LMX1B: variants seen among roughly 807,000 people sequenced by gnomAD.
LMX1B encodes the protein LIM homeobox transcription factor 1 beta, also known as LIM homeobox transcription factor 1-beta.
In LMX1B, 12 loss-of-function variants were observed where a neutral mutation model predicts 51.4. The ratio of observed to expected loss-of-function variants is 0.23; its 90% CI spans 0.15 to 0.38. The LOEUF (loss-of-function observed/expected upper bound fraction) is 0.38. Ranked by LOEUF, LMX1B falls within the 10% of genes least tolerant of loss-of-function variation. The pLI is 1.00. For missense variants in LMX1B, 445 were observed against 571.1 expected (o/e 0.78, Z 2.25); for synonymous variants, 237 against 235.4 (o/e 1.01, Z -0.06).
intron 2 of LMX1B, among the ~76,000 whole-genome samples, chr9:126,633,596 G>A (rs1180430054): frequency 6.6e-6 from 1 of 152,130 alleles, no homozygotes; most frequent in Admixed American, 6.5e-5. Flanking sequence ...CTGGGGGATG[G>A]AAGGGCAAAA....
chr9:126,615,439 C>T lies in LMX1B; in HGVS notation c.196C>T (p.Arg66Cys). The change falls in exon 2 of 8, where the codon CGC becomes TGC. Residue 66 changes from arginine to cysteine, a missense_variant. By Grantham distance (180) the Arg-to-Cys change is radical. This residue lies in a region of LMX1B where 273 missense variants were observed against 343.3 expected (regional missense o/e 0.80). Transcript: ENST00000373474. This position sits in a 1 kb window ranked among gnomAD's most constrained non-coding sequence, Gnocchi z 6.0. ...GGGCTGCCAGCGGCCCATCTCCGAC[C>T]GCTTCCTGATGCGAGTCAACGAGTC... ...CEGCQRPISD[R>C]FLMRVNESSW... The T allele has an allele frequency of 1.9e-6, 3 of 1,609,440 alleles. No homozygotes were observed. Among genetic ancestry groups the T allele is most frequent in the Non-Finnish European group, 2.5e-6 (3 of 1,178,084 alleles).
chr9:126,670,792 C>T (rs1390580160), intron 2 of LMX1B, among the ~76,000 whole-genome samples: 5 of 152,308 alleles, frequency 3.3e-5, no homozygotes, highest in East Asian at 1.9e-4. Context: ...CCTCAAATAA[C>T]GTTTCCATGT....
At chr9:126,684,606 G>A (rs948043709) in intron 2 of LMX1B, among the ~76,000 whole-genome samples, 1 of 152,212 alleles carries the variant, frequency 6.6e-6, no homozygotes, top group African/African-American at 2.4e-5. Flanking sequence ...TGAAGATGGA[G>A]TAGGGGCTGA....
chr9:126,615,045 A>T lies in LMX1B; in HGVS notation c.140-338A>T, dbSNP rs1329560416. On this transcript the variant is annotated intron_variant, in intron 1 of 7. Transcript: ENST00000373474. The surrounding 1 kb of genome is among the most constrained non-coding windows in gnomAD (Gnocchi z 6.0). The stretch of plus-strand genomic sequence containing the variant: ...GGGCGTGTCAGCCAGCGAGCGCCCC[A>T]GCCTCACCTCGCCTGTCTTGGTCCC... Among the ~76,000 whole-genome samples the T allele has an allele frequency of 6.6e-6, 1 of 151,668 alleles. No homozygotes were observed. Among genetic ancestry groups the T allele is most frequent in the Admixed American group, 6.6e-5 (1 of 15,264 alleles).
At position 126,693,826 on chromosome 9, in the gene LMX1B, G is replaced by A. The variant is rs762072087; in HGVS notation, c.886+14G>A. 3.2e-5 allele frequency: 38 copies of A among 1,195,988 alleles called. No individual in the cohort carries two copies. The highest frequency in any genetic ancestry group is 1.4e-4 in the Admixed American group (7 of 50,484). The allele number at this position is 1,195,988 out of a possible 1,614,324, so 74.1% of individuals were successfully genotyped here. ...GGCTGGGCCAGGGTGAGCCGGGGCC[G>A]GGGCAGGGCCTGGGCCAGGGTGAGC... On this transcript the variant is annotated intron_variant, in intron 6 of 7. Transcript: ENST00000373474.
At position 126,699,957 on chromosome 9, in the gene LMX1B, C is replaced by G. The variant is rs750077397; in HGVS notation, c.*3506C>G. 6.6e-6 allele frequency: 1 copy of G among 152,208 alleles called. No individual in the cohort carries two copies. The highest frequency in any genetic ancestry group is 1.5e-5 in the Non-Finnish European group (1 of 68,062). The allele number at this position is 152,208 out of a possible 1,614,324, so 9.4% of individuals were successfully genotyped here. ...GGAGATAACTGTGTGGTCTCCAGAG[C>G]AAAAGAGAATGAGAGGTGGGCAGGG... On this transcript the variant is annotated 3_prime_UTR_variant, in exon 8 of 8. Coordinates refer to ENST00000373474, the MANE Select transcript of LMX1B (RefSeq NM_001174147.2).
chr9:126,640,880 A>T (rs914070649), intron 2 of LMX1B: 2 of 152,242 alleles, frequency 1.3e-5, no homozygotes, highest in African/African-American at 4.8e-5. Flanking sequence ...TTCTGCCCTC[A>T]GATAGCAGGG....
intron 2 of LMX1B, among the ~76,000 whole-genome samples, chr9:126,630,124 T>A (rs1009527073): frequency 6.0e-5 from 8 of 133,958 alleles, no homozygotes; most frequent in African/African-American, 2.3e-4. Context: ...ATTGCGCCAC[T>A]GCACTCCAGC....
At chr9:126,678,060 C>T (rs892477046) in intron 2 of LMX1B, among the ~76,000 whole-genome samples, 4 of 152,160 alleles carry the variant, frequency 2.6e-5, no homozygotes, top group African/African-American at 7.2e-5. Flanking sequence ...CCTGTAATCC[C>T]AGCACTTTGG....
chr9:126,672,970 C>T (rs532832080), intron 2 of LMX1B, among the ~76,000 whole-genome samples: 2 of 152,326 alleles, frequency 1.3e-5, no homozygotes, highest in South Asian at 2.1e-4. Flanking sequence ...CGCCTCTCGC[C>T]GCCCACCTGT....
At chr9:126,623,182 G>A (rs550762676) in intron 2 of LMX1B, among the ~76,000 whole-genome samples, 1 of 152,214 alleles carries the variant, frequency 6.6e-6, no homozygotes, top group Admixed American at 6.5e-5. Flanking sequence ...TTGGGAGCCT[G>A]TGTTTTTATT....
intron 2 of LMX1B, among the ~76,000 whole-genome samples, chr9:126,630,416 G>C (rs139676744): frequency 4.6e-5 from 7 of 152,306 alleles, no homozygotes; most frequent in Non-Finnish European, 8.8e-5. Flanking sequence ...CCTGGCAGTA[G>C]GCAGGGCACA....
At chr9:126,686,209 G>C (rs1366554303) in intron 2 of LMX1B, among the ~76,000 whole-genome samples, 1 of 151,006 alleles carries the variant, frequency 6.6e-6, no homozygotes, top group African/African-American at 2.4e-5. Flanking sequence ...GAACCCAGGA[G>C]GCGGAGCTTG....
At chr9:126,681,838 T>C (rs1836678991) in intron 2 of LMX1B, among the ~76,000 whole-genome samples, 3 of 151,544 alleles carry the variant, frequency 2.0e-5, no homozygotes, top group African/African-American at 7.3e-5. Flanking sequence ...GAGGCAGAGG[T>C]TGCAGTGAGC....
At chr9:126,682,419 T>C (rs1356507809) in intron 2 of LMX1B, among the ~76,000 whole-genome samples, 16 of 152,198 alleles carry the variant, frequency 1.1e-4, no homozygotes, top group Non-Finnish European at 1.5e-5. Flanking sequence ...TTCGTCATAC[T>C]CTGTATGAAA....
intron 2 of LMX1B, among the ~76,000 whole-genome samples, chr9:126,674,809 C>G (rs1836523678): frequency 6.6e-6 from 1 of 152,240 alleles, no homozygotes; most frequent in Non-Finnish European, 1.5e-5. Context: ...CCCGCTGTGC[C>G]TCTCACCTGC....
Position 126,614,396 on chromosome 9 carries a change from G to C in LMX1B, c.-54G>C, listed in dbSNP as rs1441426236. On this transcript the variant is annotated 5_prime_UTR_variant, in exon 1 of 8. Coordinates refer to ENST00000373474, the MANE Select transcript of LMX1B (RefSeq NM_001174147.2). ...CCGCGGCGGCGGAGAGCGGGTGGAC[G>C]GGCCGGCGGGCGAGCAGCCCGGCCG... is the stretch of plus-strand genomic sequence containing the variant. 5.3e-6 allele frequency: 7 copies of C among 1,308,724 alleles called. No homozygotes were observed. The highest frequency in any genetic ancestry group is 6.8e-6 in the Non-Finnish European group (7 of 1,024,224). The allele number at this position is 1,308,724 out of a possible 1,614,324, so 81.1% of individuals were successfully genotyped here.
intron 2 of LMX1B, among the ~76,000 whole-genome samples, chr9:126,629,603 C>T (rs994091917): frequency 1.3e-5 from 2 of 152,170 alleles, no homozygotes; most frequent in African/African-American, 4.8e-5. Flanking sequence ...GGTACTGCAA[C>T]CCAATGTTGT....
chr9:126,685,380 C>T (rs969486089), intron 2 of LMX1B, among the ~76,000 whole-genome samples: 1 of 152,150 alleles, frequency 6.6e-6, no homozygotes, highest in Admixed American at 6.5e-5. Context: ...CTTATCCTGA[C>T]ATTTTGGGGT....
Sources: gnomAD v4.1 joint callset for allele counts (sites outside exome capture counted in the v4.1 genomes callset) on GRCh38, gnomAD v4.1.1 for gene constraint, gnomAD v4.1.1 regional missense constraint, Gnocchi (gnomAD v3.1) non-coding constraint, MANE v1.5 for transcripts, NCBI Gene and HGNC (gene_info 2026-07-23, HGNC 2026-07-21) for gene names.